Variants in C16orf96 observed in about 807,000 individuals in gnomAD.
C16orf96 encodes chromosome 16 open reading frame 96.
A neutral mutation model predicts 103.6 loss-of-function variants in C16orf96; 108 were observed. The ratio of observed to expected loss-of-function variants is 1.04; its 90% CI spans 0.89 to 1.22. The LOEUF is 1.22. Ranked by LOEUF, C16orf96 falls within the 50% of genes most tolerant of loss-of-function variation. C16orf96 has a pLI of 0.00. For missense variants in C16orf96, 1,586 were observed against 1,464.2 expected (o/e 1.08, Z -1.36); for synonymous variants, 566 against 593.5 (o/e 0.95, Z 0.67).
At position 4,571,555 on chromosome 16, in the gene C16orf96, T is replaced by C; in HGVS notation, c.421-6T>C. 1.3e-6 allele frequency: 2 copies of C among 1,551,284 alleles called. No individual in the cohort carries two copies. Among genetic ancestry groups the C allele is most frequent in the Non-Finnish European group, 1.7e-6 (2 of 1,146,540 alleles). On this transcript the variant is annotated splice_region_variant and splice_polypyrimidine_tract_variant and intron_variant, in intron 1 of 15. Coordinates refer to ENST00000444310, the MANE Select transcript of C16orf96 (RefSeq NM_001145011.2). Reference sequence around the variant, plus strand: ...CGGCTTCACATTTTCTCCTCCTCTTTTGCAGTCAATGCAGACCCTGCAGGA... The same window carrying C: ...CGGCTTCACATTTTCTCCTCCTCTTCTGCAGTCAATGCAGACCCTGCAGGA...
rs1897237347 is a variant in C16orf96 at position 4,599,307 on chromosome 16, T to A, written c.3151T>A (p.Ser1051Thr). Residue 1051 changes from serine (S) to threonine (T), a missense_variant, in exon 15 of 16, where the codon TCA becomes ACA. By Grantham distance (58) the Ser-to-Thr change is moderately conservative (BLOSUM62 1). Transcript: ENST00000444310. ...LAAVKAPSPP[S>T]QSLYDRVHSS... is the part of the protein sequence containing the mutation. Reference sequence around the variant, plus strand: ...AGCTGTGAAGGCTCCATCTCCCCCGTCACAAAGCCTGTATGACCGTGTGCA... The same window carrying A: ...AGCTGTGAAGGCTCCATCTCCCCCGACACAAAGCCTGTATGACCGTGTGCA... 6.4e-6 allele frequency: 10 copies of A among 1,551,584 alleles called. No individual in the cohort carries two copies. Among genetic ancestry groups the A allele is most frequent in the Non-Finnish European group, 8.7e-6 (10 of 1,146,934 alleles).
intron 14 of C16orf96, among the ~76,000 whole-genome samples, chr16:4,598,023 A>G (rs1432577727): frequency 1.3e-5 from 2 of 151,968 alleles, no homozygotes; most frequent in Non-Finnish European, 2.9e-5. Context: ...TGCTGTTGTC[A>G]CTCATTTATT....
At chr16:4,558,044 C>G (rs377433406) in intron 1 of C16orf96, among the ~76,000 whole-genome samples, 1 of 152,200 alleles carries the variant, frequency 6.6e-6, no homozygotes, top group Non-Finnish European at 1.5e-5. Context: ...TGAACAGGCA[C>G]GCCCGGCCTA....
chr16:4,568,629 ATT>A (rs34974380), intron 1 of C16orf96, among the ~76,000 whole-genome samples: 2 of 125,558 alleles, frequency 1.6e-5, no homozygotes, highest in Non-Finnish European at 1.6e-5. Flanking sequence ...TTTCTTTTTA[ATT>A]TTTTTTTTTT....
rs1264775678 is a variant in C16orf96 at position 4,588,346 on chromosome 16, G to A, written c.2592+15G>A. ...TGAACACCAAGGTGAATGCCCCCAT[G>A]TTGATTTTCACTTTATTCCTAACAA... On this transcript the variant is annotated intron_variant, in intron 9 of 15. Transcript: ENST00000444310. The A allele has an allele frequency of 6.5e-7, 1 of 1,540,308 alleles. No homozygotes were observed. Among genetic ancestry groups the A allele is most frequent in the Admixed American group, 2.0e-5 (1 of 50,460 alleles).
chr16:4,578,253 C>T (rs1190708986), intron 5 of C16orf96, among the ~76,000 whole-genome samples: 2 of 152,114 alleles, frequency 1.3e-5, no homozygotes, highest in Non-Finnish European at 2.9e-5. Context: ...AGAGATTCTC[C>T]TGCCTCAGCC....
chr16:4,587,183 C>T, intron 8 of C16orf96, 70 bp downstream of exon 8: 1 of 1,384,102 alleles, frequency 7.2e-7, no homozygotes. Flanking sequence ...CCAGGCAAAG[C>T]CCACCAAAGA....
rs1361005690 is a variant in C16orf96 at position 4,592,344 on chromosome 16, G to A, written c.2751G>A (p.Arg917=). The A allele has an allele frequency of 1.3e-6, 2 of 1,551,562 alleles. No individual in the cohort carries two copies. The highest frequency in any genetic ancestry group is 1.7e-6 in the Non-Finnish European group (2 of 1,146,992). ...FKRVKCISCD[R]PVEMMTGPQL... ...GCGTGAAGTGCATCTCCTGTGACCG[G>A]CCTGTGGAGATGATGACTGGCCCGT... is the stretch of plus-strand genomic sequence containing the variant. Residue 917 remains arginine (R), a synonymous_variant, in exon 11 of 16, where the codon CGG becomes CGA. Coordinates refer to ENST00000444310, the MANE Select transcript of C16orf96 (RefSeq NM_001145011.2).
chr16:4,588,041 T>A, intron 8 of C16orf96, 126 bp from the exon 9 acceptor site: 1 of 962,810 alleles, frequency 1.0e-6, no homozygotes, highest in Non-Finnish European at 1.5e-6. Flanking sequence ...CAGGGTTGCA[T>A]TTAAGCCAAG....
Position 4,559,791 on chromosome 16 carries a change from C to G in C16orf96, c.420+2882C>G, listed in dbSNP as rs535228886. On this transcript the variant is annotated intron_variant, in intron 1 of 15. Transcript: ENST00000444310. ...CCTGCAACCCCTGACAACCACTAATCTGCTTTCTGTCTTACGGATTTGCCT... is the reference window on the plus strand; with the variant it reads ...CCTGCAACCCCTGACAACCACTAATGTGCTTTCTGTCTTACGGATTTGCCT... Among the ~76,000 whole-genome samples the G allele has an allele frequency of 7.0e-4, 107 of 152,260 alleles. 1 individual carries two copies. The highest frequency in any genetic ancestry group is 2.4e-3 in the African/African-American group (100 of 41,554).
At chr16:4,566,772 AC>A (rs1325692650) in intron 1 of C16orf96, among the ~76,000 whole-genome samples, 1 of 151,946 alleles carries the variant, frequency 6.6e-6, no homozygotes, top group African/African-American at 2.4e-5. Flanking sequence ...TGTCCATTTC[AC>A]CTAAATTATA....
chr16:4,555,053 G>A (rs61148002), upstream of C16orf96, among the ~76,000 whole-genome samples: 1,941 of 151,734 alleles, frequency 0.013, 44 homozygotes, highest in African/African-American at 0.042. Context: ...ACCTGAGGTC[G>A]GGAGTTTGAG....
chr16:4,574,226 T>G (rs1203351462), intron 2 of C16orf96, among the ~76,000 whole-genome samples: 1 of 151,564 alleles, frequency 6.6e-6, no homozygotes, highest in East Asian at 1.9e-4. Flanking sequence ...TTTATTTATT[T>G]ATTTACTTAT....
the C16orf96 span, among the ~76,000 whole-genome samples, chr16:4,546,330 T>C: frequency 3.9e-5 from 6 of 151,980 alleles, no homozygotes; most frequent in East Asian, 5.8e-4. Context: ...AGCTAATTTT[T>C]TGTGTTTTTA....
chr16:4,587,179 A>G, intron 8 of C16orf96, 66 bp downstream of exon 8: 1 of 1,387,846 alleles, frequency 7.2e-7, no homozygotes, highest in Non-Finnish European at 1.0e-6. Flanking sequence ...CCATCCAGGC[A>G]AAGCCCACCA....
rs1253562380 is a variant in C16orf96, at chr16:4,593,676, G to C, written c.2867+360G>C. 6.6e-6 allele frequency among the ~76,000 whole-genome samples: 1 copy of C among 152,140 alleles called. No homozygotes were observed. Among genetic ancestry groups the C allele is most frequent in the Non-Finnish European group, 1.5e-5 (1 of 68,030 alleles). ...GATGGGGAACCCTCAGGGAGCCGCT[G>C]CTGTGCCCGGCAGGCACTGTGCCAA... On this transcript the variant is annotated intron_variant, in intron 12 of 15. Transcript: ENST00000444310. This position sits in a 1 kb window ranked among gnomAD's most constrained non-coding sequence, Gnocchi z 4.2.
intron 7 of C16orf96, among the ~76,000 whole-genome samples, chr16:4,583,796 A>G (rs1366586517): frequency 1.3e-5 from 2 of 151,570 alleles, no homozygotes; most frequent in Non-Finnish European, 2.9e-5. Flanking sequence ...GTGGTGGCGC[A>G]TGCCTGTAAT....
At chr16:4,551,627 A>G (rs2059228414), upstream of C16orf96, among the ~76,000 whole-genome samples, 1 of 142,956 alleles carries the variant, frequency 7.0e-6, no homozygotes, top group African/African-American at 2.6e-5. Context: ...GATTTTTTGT[A>G]TTTTTTTAGT....
In C16orf96 at chr16:4,575,315, A is replaced by T; in HGVS notation, c.835A>T (p.Thr279Ser). The T allele has an allele frequency of 1.3e-6, 2 of 1,551,296 alleles. No homozygotes were observed. Residue 279 changes from threonine (T) to serine (S), a missense_variant, in exon 5 of 16, where the codon ACT becomes TCT. Transcript: ENST00000444310. ...EPVQNPQLLQ[T>S]VWHYEVPELL... ...CGTCCAAAACCCCCAGCTACTGCAG[A>T]CTGTCTGGCATTATGAGGTCCCAGA... is the stretch of plus-strand genomic sequence containing the variant.
Sources: gnomAD v4.1 joint callset for allele counts (sites outside exome capture counted in the v4.1 genomes callset) on GRCh38, gnomAD v4.1.1 for gene constraint, Gnocchi (gnomAD v3.1) non-coding constraint, MANE v1.5 for transcripts, NCBI Gene and HGNC (gene_info 2026-07-23, HGNC 2026-07-21) for gene names.